The following ULK4 variants were observed in gnomAD, a reference collection of about 807,000 sequenced individuals.
ULK4 encodes inactive serine/threonine-protein kinase ULK4.
In ULK4, 133 loss-of-function variants were observed where a neutral mutation model predicts 160.6. That is an observed-to-expected ratio of 0.83 (90% CI 0.72 to 0.96). The LOEUF is 0.96. Among genes scored for constraint, ULK4 ranks in the 40% least tolerant of loss-of-function variants. The pLI, the probability that ULK4 is intolerant of heterozygous loss-of-function variation, is 0.00. For synonymous variants in ULK4, 534 were observed against 539.8 expected (o/e 0.99, Z 0.15); for missense variants, 1,580 against 1,499.5 (o/e 1.05, Z -0.89).
At chr3:41,593,202 G>C (rs1277121044) in intron 31 of ULK4, among the ~76,000 whole-genome samples, 1 of 152,176 alleles carries the variant, frequency 6.6e-6, no homozygotes, top group Non-Finnish European at 1.5e-5. Flanking sequence ...TTATCACTGA[G>C]AGACAAGAAA....
At chr3:41,782,715 G>T (rs1005783740) in intron 21 of ULK4, among the ~76,000 whole-genome samples, 1 of 152,022 alleles carries the variant, frequency 6.6e-6, no homozygotes, top group African/African-American at 2.4e-5. Context: ...TACCAAAAAA[G>T]AACTTTTTAA....
At chr3:41,261,882 T>C (rs1056250206) in intron 35 of ULK4, among the ~76,000 whole-genome samples, 1 of 152,156 alleles carries the variant, frequency 6.6e-6, no homozygotes, top group Non-Finnish European at 1.5e-5. Context: ...TAGATGGAGG[T>C]CCGTCTTTGC....
chr3:41,303,316 T>C (rs979712734), intron 35 of ULK4, among the ~76,000 whole-genome samples: 4 of 152,186 alleles, frequency 2.6e-5, no homozygotes, highest in Non-Finnish European at 4.4e-5. Flanking sequence ...TAGCAAGAAG[T>C]AAAACTCCAG....
intron 31 of ULK4, among the ~76,000 whole-genome samples, chr3:41,592,241 G>A (rs936758186): frequency 2.0e-5 from 3 of 152,152 alleles, no homozygotes; most frequent in Non-Finnish European, 4.4e-5. Context: ...ACCTGGAGCT[G>A]AGTCAATTTA....
At chr3:41,702,910 G>A (rs2036729284) in intron 27 of ULK4, among the ~76,000 whole-genome samples, 1 of 146,618 alleles carries the variant, frequency 6.8e-6, no homozygotes, top group Non-Finnish European at 1.5e-5. Context: ...CTGGAGTGCA[G>A]CAGCACAACC....
rs1018715339 is a variant in ULK4, at chr3:41,584,453, A to G, written c.3121-18323T>C. 2.0e-5 allele frequency among the ~76,000 whole-genome samples: 3 copies of G among 152,074 alleles called. No homozygotes were observed. The East Asian group carries it at 5.8e-4, about 29-fold the overall frequency. ...ACCATAGGTGCATGCCACTATGCTC[A>G]GCTAATTAATTAATTAGTAGAGATG... On this transcript the variant is annotated intron_variant, in intron 31 of 36. Coordinates refer to ENST00000301831, the MANE Select transcript of ULK4 (RefSeq NM_017886.4).
chr3:41,887,823 C>CA (rs796785120), intron 16 of ULK4, among the ~76,000 whole-genome samples: 1,998 of 133,904 alleles, frequency 0.015, 31 homozygotes, highest in African/African-American at 0.041. Flanking sequence ...GACTCCGTCT[C>CA]AAAAAAAAAA....
In ULK4 at chr3:41,800,166, G is replaced by C; in HGVS notation, c.1976C>G (p.Ser659Cys). The change falls in exon 20 of 37, where the codon TCC becomes TGC. Residue 659 changes from serine (S) to cysteine (C), a missense_variant. Ser to Cys is a moderately radical substitution (Grantham distance 112, BLOSUM62 -1). Coordinates refer to ENST00000301831, the MANE Select transcript of ULK4 (RefSeq NM_017886.4). Reference sequence around the variant, plus strand: ...TGTTATCCTAAGAGAATCAGCAGTGGAGTGTCTGAATAGGTACCACAAAAT... The same window carrying C: ...TGTTATCCTAAGAGAATCAGCAGTGCAGTGTCTGAATAGGTACCACAAAAT... ...GPILWYLFRH[S>C]TADSLRITAV... 6.2e-7 allele frequency: 1 copy of C among 1,613,180 alleles called. No individual in the cohort carries two copies. The highest frequency in any genetic ancestry group is 1.1e-5 in the South Asian group (1 of 90,872).
intron 35 of ULK4, among the ~76,000 whole-genome samples, chr3:41,366,283 T>C (rs1444630530): frequency 6.6e-6 from 1 of 152,030 alleles, no homozygotes; most frequent in African/African-American, 2.4e-5. Flanking sequence ...GGCACACACA[T>C]TTGCAGTGGT....
At chr3:41,599,258 T>G (rs549878289) in intron 31 of ULK4, among the ~76,000 whole-genome samples, 1 of 152,292 alleles carries the variant, frequency 6.6e-6, no homozygotes, top group East Asian at 1.9e-4. Context: ...GTCAGCTGAT[T>G]AGGATGAGGA....
intron 29 of ULK4, among the ~76,000 whole-genome samples, chr3:41,679,199 T>A (rs2035838949): frequency 6.6e-6 from 1 of 152,124 alleles, no homozygotes; most frequent in South Asian, 2.1e-4. Flanking sequence ...AAGATTAATA[T>A]GAGATTAAAA....
At chr3:41,932,877 C>T (rs2148823482) in intron 4 of ULK4, among the ~76,000 whole-genome samples, 1 of 152,106 alleles carries the variant, frequency 6.6e-6, no homozygotes, top group African/African-American at 2.4e-5. Flanking sequence ...AACCTTATCT[C>T]TACTCAAAAT....
At chr3:41,546,382 T>C (rs1012914523) in intron 32 of ULK4, among the ~76,000 whole-genome samples, 4 of 152,094 alleles carry the variant, frequency 2.6e-5, no homozygotes, top group African/African-American at 9.7e-5. Flanking sequence ...CTAAAGCAGG[T>C]CTGTAGTAGC....
chr3:41,961,823 T>TA (rs1356280987), intron 1 of ULK4, 193 bp downstream of exon 1: 1 of 152,554 alleles, frequency 6.6e-6, no homozygotes, highest in Non-Finnish European at 1.5e-5. Flanking sequence ...AACGCCCGGA[T>TA]AAAAACGGGC....
chr3:41,732,660 A>G (rs6770933), intron 22 of ULK4, among the ~76,000 whole-genome samples: 20,423 of 152,188 alleles, frequency 0.13, 4,466 homozygotes, highest in African/African-American at 0.46. Flanking sequence ...AAAGGAATAC[A>G]TGCACTCCCA....
intron 29 of ULK4, among the ~76,000 whole-genome samples, chr3:41,679,265 T>C (rs1436523222): frequency 2.6e-5 from 4 of 152,206 alleles, no homozygotes; most frequent in African/African-American, 9.6e-5. Context: ...AGGGTACTAT[T>C]TGCCACACAC....
At chr3:41,795,829 G>T (rs532153496) in intron 20 of ULK4, among the ~76,000 whole-genome samples, 205 of 152,326 alleles carry the variant, frequency 1.3e-3, no homozygotes, top group Non-Finnish European at 2.3e-3. Flanking sequence ...CAGTGGTCCA[G>T]GTGAGAGATG....
chr3:41,368,208 C>T (rs371561315), intron 35 of ULK4, among the ~76,000 whole-genome samples: 7 of 151,890 alleles, frequency 4.6e-5, no homozygotes, highest in African/African-American at 1.2e-4. Flanking sequence ...CCACGACGCC[C>T]GGCTAATTTT....
intron 16 of ULK4, among the ~76,000 whole-genome samples, chr3:41,886,157 G>A (rs1439962530): frequency 6.6e-6 from 1 of 152,128 alleles, no homozygotes; most frequent in Non-Finnish European, 1.5e-5. Flanking sequence ...AAGTACCATT[G>A]TGTCTGACAA....
Sources: gnomAD v4.1 joint callset for allele counts (sites outside exome capture counted in the v4.1 genomes callset) on GRCh38, gnomAD v4.1.1 for gene constraint, MANE v1.5 for transcripts, NCBI Gene and HGNC (gene_info 2026-07-23, HGNC 2026-07-21) for gene names.